Variants in TERF2IP observed in about 807,000 individuals in gnomAD.
TERF2IP encodes the protein TERF2 interacting protein.
A neutral mutation model predicts 33.3 loss-of-function variants in TERF2IP; 35 were observed. The ratio of observed to expected loss-of-function variants is 1.05; its 90% confidence interval spans 0.80 to 1.39. The LOEUF (loss-of-function observed/expected upper bound fraction) is 1.39. TERF2IP is among the 40% of genes most tolerant of loss of function. The probability of loss-of-function intolerance (pLI) is 0.00; values close to 1 mark genes in which losing one functional copy is unlikely to be tolerated. For missense variants in TERF2IP, 583 were observed against 524.8 expected (o/e 1.11, Z -1.08); for synonymous variants, 253 against 223.2 (o/e 1.13, Z -1.19).
intron 1 of TERF2IP, among the ~76,000 whole-genome samples, chr16:75,653,784 G>A (rs2082364110): frequency 6.6e-6 from 1 of 152,072 alleles, no homozygotes; most frequent in African/African-American, 2.4e-5. Flanking sequence ...TAGCTCCAGA[G>A]TTGCCCATGG....
intron 1 of TERF2IP, among the ~76,000 whole-genome samples, chr16:75,653,215 C>A (rs2082359969): frequency 6.6e-6 from 1 of 152,144 alleles, no homozygotes; most frequent in Admixed American, 6.5e-5. Context: ...AATAATGCTG[C>A]TGTGAACATG....
rs2082317677 is a variant in TERF2IP at position 75,648,231 on chromosome 16, G to A, written c.349G>A (p.Ala117Thr). ...ADTGSEAKPG[A>T]LAEGAAEPEP... ...CACCGGCTCGGAAGCAAAGCCCGGGGCCCTGGCCGAGGGCGCCGCGGAGCC... is the reference window on the plus strand; with the variant it reads ...CACCGGCTCGGAAGCAAAGCCCGGGACCCTGGCCGAGGGCGCCGCGGAGCC... Residue 117 changes from alanine to threonine, a missense_variant, in exon 1 of 3, where the codon GCC becomes ACC. Coordinates refer to ENST00000300086, the MANE Select transcript of TERF2IP (RefSeq NM_018975.4). 5.2e-6 allele frequency: 8 copies of A among 1,545,198 alleles called. No homozygotes were observed. The highest frequency in any genetic ancestry group is 7.0e-6 in the Non-Finnish European group (8 of 1,145,444).
rs1395416475 is a variant in TERF2IP, at chr16:75,657,255, T to C, written c.*644T>C. 1 of 152,296 alleles carries C rather than the reference T, an allele frequency of 6.6e-6. No individual in the cohort carries two copies. The highest frequency in any genetic ancestry group is 1.5e-5 in the Non-Finnish European group (1 of 68,114). 9.4% of individuals were successfully genotyped at this position (152,296 alleles called of 1,614,324 possible). On this transcript the variant is annotated 3_prime_UTR_variant, in exon 3 of 3. Coordinates refer to ENST00000300086, the MANE Select transcript of TERF2IP (RefSeq NM_018975.4). The stretch of plus-strand genomic sequence containing the variant: ...TGTCTTTCTTTACCTACCCCTCAGT[T>C]TTCCTTAAAACGCGCACACAACTCT...
chr16:75,650,569 T>C (rs983532153), intron 1 of TERF2IP, among the ~76,000 whole-genome samples: 2 of 152,218 alleles, frequency 1.3e-5, no homozygotes, highest in Admixed American at 1.3e-4. Context: ...GGGGTCTTGC[T>C]CTGTCACACA....
At position 75,656,819 on chromosome 16, in the gene TERF2IP, T is replaced by G; in HGVS notation, c.*208T>G. On this transcript the variant is annotated 3_prime_UTR_variant, in exon 3 of 3. Coordinates refer to ENST00000300086, the MANE Select transcript of TERF2IP (RefSeq NM_018975.4). ...AAAAGAAATTGGATGTATTTACAGCTGTCCTTGAACAAGTATCAATGTGTT... is the reference window on the plus strand; with the variant it reads ...AAAAGAAATTGGATGTATTTACAGCGGTCCTTGAACAAGTATCAATGTGTT... The G allele has an allele frequency of 1.8e-6, 1 of 563,994 alleles. No homozygotes were observed. The highest frequency in any genetic ancestry group is 3.1e-6 in the Non-Finnish European group (1 of 321,322). The allele number at this position is 563,994 out of a possible 1,614,324, so 34.9% of individuals were successfully genotyped here. A position where few individuals can be genotyped will look rare whatever the true frequency, so the allele number is the denominator to read the frequency against.
chr16:75,654,395 G>A lies in TERF2IP; in HGVS notation c.793G>A (p.Val265Met). ...VEATREFEEV[V>M]VDESPPDFEI... is the part of the protein sequence containing the mutation. ...AGCCACCCGGGAGTTTGAGGAGGTTGTGGTATGTTAACTAGATTTACTCAT... is the reference window on the plus strand; with the variant it reads ...AGCCACCCGGGAGTTTGAGGAGGTTATGGTATGTTAACTAGATTTACTCAT... The change falls in exon 2 of 3, where the codon GTG becomes ATG. Residue 265 changes from valine to methionine, a missense_variant and splice_region_variant. Val to Met is a conservative substitution (Grantham distance 21, BLOSUM62 1). Transcript: ENST00000300086. 1 of 1,612,782 alleles carries A rather than the reference G, an allele frequency of 6.2e-7. No individual in the cohort carries two copies.
intron 1 of TERF2IP, among the ~76,000 whole-genome samples, chr16:75,649,653 A>T (rs1421833320): frequency 6.6e-6 from 1 of 152,108 alleles, no homozygotes; most frequent in Non-Finnish European, 1.5e-5. Context: ...TTTAAAAAAG[A>T]TTGCTGTTAT....
Position 75,656,524 on chromosome 16 carries a change from A to G in TERF2IP, c.1113A>G (p.Gln371=), listed in dbSNP as rs1369907281. The G allele has an allele frequency of 6.2e-7, 1 of 1,614,218 alleles. No individual in the cohort carries two copies. Among genetic ancestry groups the G allele is most frequent in the East Asian group, 2.2e-5 (1 of 44,894 alleles). ...CCCGACAAGATGACATAGATTTGCA[A>G]AAAGATGATGAGGATACCAGAGAGG... ...IWSRQDDIDL[Q]KDDEDTREAL... The change falls in exon 3 of 3, where the codon CAA becomes CAG. Residue 371 remains glutamine, a synonymous_variant. Coordinates refer to ENST00000300086, the MANE Select transcript of TERF2IP (RefSeq NM_018975.4).
intron 1 of TERF2IP, among the ~76,000 whole-genome samples, chr16:75,649,279 C>G (rs1365690135): frequency 6.6e-6 from 1 of 152,224 alleles, no homozygotes; most frequent in African/African-American, 2.4e-5. Flanking sequence ...CGCGGCGGCT[C>G]AAGCTTGTAA....
Position 75,656,808 on chromosome 16 carries a change from G to A in TERF2IP, c.*197G>A. On this transcript the variant is annotated 3_prime_UTR_variant, in exon 3 of 3. Transcript: ENST00000300086. ...GGGATAAAAAGAAAAGAAATTGGAT[G>A]TATTTACAGCTGTCCTTGAACAAGT... 1.7e-6 allele frequency: 1 copy of A among 582,828 alleles called. No individual in the cohort carries two copies. The highest frequency in any genetic ancestry group is 3.0e-6 in the Non-Finnish European group (1 of 332,332). The allele number at this position is 582,828 out of a possible 1,614,324, so 36.1% of individuals were successfully genotyped here.
chr16:75,647,923 C>T lies in TERF2IP; in HGVS notation c.41C>T (p.Pro14Leu). The change falls in exon 1 of 3, where the codon CCC becomes CTC. Residue 14 changes from proline (P) to leucine (L), a missense_variant. By Grantham distance (98) the Pro-to-Leu change is moderately conservative. Transcript: ENST00000300086. Reference sequence around the variant, plus strand: ...GATTTGGGCAAAGACCCCAACGGGCCCACCCATTCCTCGACTCTGTTCGTG... The same window carrying T: ...GATTTGGGCAAAGACCCCAACGGGCTCACCCATTCCTCGACTCTGTTCGTG... ...AMDLGKDPNG[P>L]THSSTLFVRD... 6.2e-7 allele frequency: 1 copy of T among 1,611,642 alleles called. No homozygotes were observed.
intron 1 of TERF2IP, 64 bp downstream of exon 1, chr16:75,648,616 G>A: frequency 1.4e-6 from 2 of 1,452,970 alleles, no homozygotes; most frequent in Non-Finnish European, 1.8e-6. Flanking sequence ...TCTTTCTCCT[G>A]GCTGCCTGGC....
At chr16:75,654,971 G>A (rs1389133537) in intron 2 of TERF2IP, among the ~76,000 whole-genome samples, 7 of 151,820 alleles carry the variant, frequency 4.6e-5, no homozygotes, top group South Asian at 4.2e-4. Flanking sequence ...CTCGTGATCC[G>A]CCCGCCTTGG....
At chr16:75,650,821 A>T (rs1320375918) in intron 1 of TERF2IP, among the ~76,000 whole-genome samples, 1 of 152,184 alleles carries the variant, frequency 6.6e-6, no homozygotes, top group Non-Finnish European at 1.5e-5. Context: ...TCCAGGTGTG[A>T]GCCACCATGC....
chr16:75,656,347 A>G lies in TERF2IP; in HGVS notation c.936A>G (p.Gly312=). ...EEEKVSQPEV[G]AAIKIIRQLM... Reference sequence around the variant, plus strand: ...AAAAAGTTTCTCAACCAGAGGTGGGAGCTGCCATTAAGATCATTCGGCAGT... The same window carrying G: ...AAAAAGTTTCTCAACCAGAGGTGGGGGCTGCCATTAAGATCATTCGGCAGT... Residue 312 remains glycine, a synonymous_variant, in exon 3 of 3, where the codon GGA becomes GGG. Coordinates refer to ENST00000300086, the MANE Select transcript of TERF2IP (RefSeq NM_018975.4). 1 of 1,614,084 alleles carries G rather than the reference A, an allele frequency of 6.2e-7. No individual in the cohort carries two copies. Among genetic ancestry groups the G allele is most frequent in the Non-Finnish European group, 8.5e-7 (1 of 1,179,946 alleles).
chr16:75,648,633 C>T (rs764317654), intron 1 of TERF2IP, 81 bp downstream of exon 1: 18 of 1,446,514 alleles, frequency 1.2e-5, no homozygotes, highest in South Asian at 2.8e-5. Context: ...TGGCGTCCAT[C>T]TTGGCATCTT....
chr16:75,654,517 A>C, intron 2 of TERF2IP, 120 bp downstream of exon 2: 1 of 1,093,862 alleles, frequency 9.1e-7, no homozygotes. Context: ...GGAGTTCAAG[A>C]TGGAAAGGGA....
At chr16:75,650,227 G>A (rs1286396381) in intron 1 of TERF2IP, among the ~76,000 whole-genome samples, 2 of 152,170 alleles carry the variant, frequency 1.3e-5, no homozygotes, top group Admixed American at 6.5e-5. Flanking sequence ...TGTAAGGGTT[G>A]GGGAGGAGGT....
chr16:75,654,191 G>A (rs1848430723), intron 1 of TERF2IP, 82 bp from the exon 2 acceptor site: 2 of 1,143,648 alleles, frequency 1.7e-6, no homozygotes, highest in Non-Finnish European at 2.4e-6. Context: ...CTCACTCCTG[G>A]CCCAGAGCTC....
Sources: gnomAD v4.1 joint callset for allele counts (sites outside exome capture counted in the v4.1 genomes callset) on GRCh38, gnomAD v4.1.1 for gene constraint, MANE v1.5 for transcripts, NCBI Gene and HGNC (gene_info 2026-07-23, HGNC 2026-07-21) for gene names.